The following RAB5A variants were observed in gnomAD, a reference collection of about 807,000 sequenced individuals.
The protein encoded by RAB5A is ras-related protein Rab-5A.
Under a neutral mutation model 25.7 loss-of-function variants are expected in RAB5A, and 8 were observed. That is an observed-to-expected ratio of 0.31 (90% confidence interval 0.18 to 0.56). The LOEUF is 0.56. Ranked by LOEUF, RAB5A falls within the 20% of genes least tolerant of loss-of-function variation. The probability of loss-of-function intolerance (pLI) is 0.91; values close to 1 mark genes in which losing one functional copy is unlikely to be tolerated. For missense variants in RAB5A, 192 were observed against 259.7 expected (o/e 0.74, Z 1.79); for synonymous variants, 98 against 89.8 (o/e 1.09, Z -0.52).
chr3:19,955,600 A>G (rs189299193), intron 2 of RAB5A, among the ~76,000 whole-genome samples: 1 of 152,286 alleles, frequency 6.6e-6, no homozygotes, highest in African/African-American at 2.4e-5. Context: ...TCAGATTTTT[A>G]AAAACATTGT....
intron 2 of RAB5A, among the ~76,000 whole-genome samples, chr3:19,974,141 T>C (rs1696789246): frequency 6.6e-6 from 1 of 151,782 alleles, no homozygotes; most frequent in African/African-American, 2.4e-5. Flanking sequence ...TTTAACAATA[T>C]TGTATCATTT....
intron 1 of RAB5A, among the ~76,000 whole-genome samples, chr3:19,948,171 A>G (rs977757014): frequency 5.3e-5 from 8 of 152,172 alleles, no homozygotes; most frequent in Non-Finnish European, 1.0e-4. Flanking sequence ...AGACCATGGA[A>G]CTTGCTCTGG....
At chr3:19,978,478 T>C in intron 5 of RAB5A, 75 bp downstream of exon 5, 1 of 1,155,918 alleles carries the variant, frequency 8.7e-7, no homozygotes, top group Non-Finnish European at 1.3e-6. Context: ...TGACTGTCTC[T>C]TTTTTAAAAA....
At chr3:19,962,622 G>A (rs773329130) in intron 2 of RAB5A, among the ~76,000 whole-genome samples, 5 of 151,872 alleles carry the variant, frequency 3.3e-5, no homozygotes, top group South Asian at 2.1e-4. Flanking sequence ...AAGAACGTCC[G>A]CATTTTTCTT....
At chr3:19,966,792 G>GATTT (rs1252568727) in intron 2 of RAB5A, among the ~76,000 whole-genome samples, 3 of 152,064 alleles carry the variant, frequency 2.0e-5, no homozygotes, top group East Asian at 1.9e-4. Context: ...GTGCTTATTG[G>GATTT]ATTTATTTAT....
chr3:19,961,474 G>T (rs1043122915), intron 2 of RAB5A, among the ~76,000 whole-genome samples: 1 of 152,148 alleles, frequency 6.6e-6, no homozygotes, highest in Non-Finnish European at 1.5e-5. Flanking sequence ...TTGACAGGTA[G>T]GGGCCTTCTT....
chr3:19,951,130 C>A (rs1696416757), intron 2 of RAB5A, 69 bp downstream of exon 2: 4 of 1,533,638 alleles, frequency 2.6e-6, no homozygotes, highest in Non-Finnish European at 3.6e-6. Flanking sequence ...TTTGATGTTC[C>A]AATTGTGTGA....
chr3:19,951,701 G>GTTTTGTTTTTTT lies in RAB5A; in HGVS notation c.163+644_163+645insGTTTTTTTTTTT, dbSNP rs1696425210. On this transcript the variant is annotated intron_variant, in intron 2 of 5. Transcript: ENST00000273047. ...GGGTGCATGCCACCATGCCAGGCAA[G>GTTTTGTTTTTTT]TTTTTTTTTTTTTTTTTTAAGAGTC... 8.1e-5 allele frequency among the ~76,000 whole-genome samples: 8 copies of GTTTTGTTTTTTT among 99,014 alleles called. 1 individual carries two copies. Among genetic ancestry groups the GTTTTGTTTTTTT allele is most frequent in the African/African-American group, 3.3e-4 (8 of 24,362 alleles). The allele number at this position is 99,014 out of a possible 152,430, so 65.0% of individuals were successfully genotyped here.
At chr3:19,955,121 A>T (rs1696481271) in intron 2 of RAB5A, among the ~76,000 whole-genome samples, 1 of 152,214 alleles carries the variant, frequency 6.6e-6, no homozygotes, top group Non-Finnish European at 1.5e-5. Flanking sequence ...GAAGACATTT[A>T]TGTGATATTT....
intron 2 of RAB5A, among the ~76,000 whole-genome samples, chr3:19,974,722 G>GGAAAAAAAAA (rs1696797765): frequency 7.0e-6 from 1 of 141,912 alleles, no homozygotes; most frequent in African/African-American, 2.6e-5. Context: ...CTGTGTCTCA[G>GGAAAAAAAAA]AAAAAGAAAA....
chr3:19,972,510 ATCT>A (rs1365570472), intron 2 of RAB5A, among the ~76,000 whole-genome samples: 2 of 152,152 alleles, frequency 1.3e-5, no homozygotes, highest in Non-Finnish European at 2.9e-5. Flanking sequence ...TGAATTGATT[ATCT>A]TCTTTGTTAA....
At chr3:19,954,364 ATTG>A (rs1223628034) in intron 2 of RAB5A, among the ~76,000 whole-genome samples, 1 of 152,192 alleles carries the variant, frequency 6.6e-6, no homozygotes, top group Non-Finnish European at 1.5e-5. Flanking sequence ...AACATGAGTT[ATTG>A]TTCTGAAGCA....
chr3:19,982,776 AAAG>A (rs950740118), intron 5 of RAB5A, among the ~76,000 whole-genome samples: 7 of 151,920 alleles, frequency 4.6e-5, no homozygotes, highest in African/African-American at 1.2e-4. Context: ...AAAAAAAAAA[AAAG>A]AGAGCATGTA....
At chr3:19,964,586 G>C (rs189794306) in intron 2 of RAB5A, among the ~76,000 whole-genome samples, 61 of 152,220 alleles carry the variant, frequency 4.0e-4, no homozygotes, top group African/African-American at 1.4e-3. Flanking sequence ...CAGGTTTGGG[G>C]CACTAACTTA....
intron 2 of RAB5A, among the ~76,000 whole-genome samples, chr3:19,951,706 T>TTTTTTTTTTTTTTTTC: frequency 6.9e-6 from 1 of 145,356 alleles, no homozygotes; most frequent in African/African-American, 2.6e-5. Flanking sequence ...GGCAAGTTTT[T>TTTTTTTTTTTTTTTTC]TTTTTTTTTT....
Position 19,975,617 on chromosome 3 carries a change from A to G in RAB5A, c.180A>G (p.Gln60=). 6.2e-7 allele frequency: 1 copy of G among 1,611,264 alleles called. No individual in the cohort carries two copies. The highest frequency in any genetic ancestry group is 2.2e-5 in the East Asian group (1 of 44,844). ...TTCTTTCAGCTGCTTTTCTAACCCA[A>G]ACTGTATGTCTTGATGACACTACAG... is the stretch of plus-strand genomic sequence containing the variant. ...ESTIGAAFLT[Q]TVCLDDTTVK... Residue 60 remains glutamine, a synonymous_variant, in exon 3 of 6, where the codon CAA becomes CAG. Coordinates refer to ENST00000273047, the MANE Select transcript of RAB5A (RefSeq NM_004162.5).
intron 1 of RAB5A, among the ~76,000 whole-genome samples, chr3:19,948,755 T>A (rs969676401): frequency 6.6e-5 from 10 of 152,090 alleles, no homozygotes; most frequent in Non-Finnish European, 1.2e-4. Flanking sequence ...TTTTTTTTTT[T>A]AATGGGAGTC....
At chr3:19,974,501 A>G (rs1199457753) in intron 2 of RAB5A, among the ~76,000 whole-genome samples, 1 of 152,178 alleles carries the variant, frequency 6.6e-6, no homozygotes. Flanking sequence ...GAAAGTACAG[A>G]TCCAAAAAAT....
At chr3:19,975,545 TATTATGAAAAC>T in intron 2 of RAB5A, 45 bp from the exon 3 acceptor site, 2 of 1,538,070 alleles carry the variant, frequency 1.3e-6, no homozygotes, top group Non-Finnish European at 8.9e-7. Flanking sequence ...GTGTTTTCTA[TATTATGAAAAC>T]ATTTGGAGAA....
Sources: gnomAD v4.1 joint callset for allele counts (sites outside exome capture counted in the v4.1 genomes callset) on GRCh38, gnomAD v4.1.1 for gene constraint, MANE v1.5 for transcripts, NCBI Gene and HGNC (gene_info 2026-07-23, HGNC 2026-07-21) for gene names.